TSEN2: variants seen among roughly 807,000 people sequenced by gnomAD.
TSEN2 encodes the protein tRNA-splicing endonuclease subunit Sen2.
In TSEN2, 54 loss-of-function variants were observed where a neutral mutation model predicts 59.2. The observed-to-expected ratio is 0.91, with a 90% CI of 0.73 to 1.14. TSEN2 has a LOEUF of 1.14. Ranked by LOEUF, TSEN2 falls within the 50% of genes most tolerant of loss-of-function variation. TSEN2 has a pLI of 0.00. For synonymous variants in TSEN2, 195 were observed against 198.2 expected, an observed-to-expected ratio of 0.98 and a Z score of 0.14; for missense variants, 636 against 576.2, an observed-to-expected ratio of 1.10 and a Z score of -1.06.
At chr3:12,530,573 C>CT in intron 10 of TSEN2, 1 of 985,542 alleles carries the variant, frequency 1.0e-6, no homozygotes, top group Non-Finnish European at 1.2e-6. Flanking sequence ...TAGATACCCT[C>CT]TAATTTCATC....
chr3:12,517,372 G>A (rs370158005), intron 7 of TSEN2, among the ~76,000 whole-genome samples: 2,070 of 59,958 alleles, frequency 0.035, 8 homozygotes, highest in African/African-American at 0.077. Context: ...AAAAAAAAAA[G>A]AATTTGCAGA....
At chr3:12,521,712 TA>T (rs200075905) in intron 8 of TSEN2, among the ~76,000 whole-genome samples, 1 of 143,916 alleles carries the variant, frequency 6.9e-6, no homozygotes, top group African/African-American at 2.6e-5. Flanking sequence ...AAGAGTCTCT[TA>T]AAAAAAAATA....
intron 9 of TSEN2, among the ~76,000 whole-genome samples, chr3:12,529,224 T>C (rs2125242583): frequency 6.6e-6 from 1 of 152,280 alleles, no homozygotes; most frequent in South Asian, 2.1e-4. Context: ...CCCAGCACTT[T>C]GGGAGGCCAA....
chr3:12,517,831 A>G (rs1027979749), intron 7 of TSEN2, among the ~76,000 whole-genome samples: 3 of 151,982 alleles, frequency 2.0e-5, no homozygotes, highest in Admixed American at 6.6e-5. Context: ...TCTGAACAAC[A>G]CTGGGCTGTG....
At chr3:12,530,565 G>A (rs1342003496) in intron 10 of TSEN2, 63 of 985,402 alleles carry the variant, frequency 6.4e-5, no homozygotes, top group Admixed American at 1.8e-4. Flanking sequence ...ACAAATTGTA[G>A]ATACCCTCTA....
downstream of TSEN2, chr3:12,533,789 C>T (rs763375184): frequency 6.6e-5 from 10 of 151,646 alleles, no homozygotes; most frequent in East Asian, 1.9e-4. Context: ...TGGGTCCAGA[C>T]ACTACTTGAA....
intron 3 of TSEN2, 145 bp downstream of exon 3, chr3:12,492,362 C>G (rs2053299679): frequency 2.9e-6 from 2 of 678,342 alleles, no homozygotes; most frequent in Non-Finnish European, 5.1e-6. Flanking sequence ...TAGAATAATT[C>G]TAATCAAAGC....
At chr3:12,482,263 A>C (rs2052201868), upstream of TSEN2, among the ~76,000 whole-genome samples, 1 of 152,146 alleles carries the variant, frequency 6.6e-6, no homozygotes. Context: ...CTGGGATTAT[A>C]GGCATGCACC....
intron 6 of TSEN2, among the ~76,000 whole-genome samples, chr3:12,512,682 G>A (rs889663788): frequency 6.6e-6 from 1 of 152,206 alleles, no homozygotes; most frequent in African/African-American, 2.4e-5. Flanking sequence ...ATGCCACATG[G>A]CATATTCCAC....
intron 4 of TSEN2, 78 bp from the exon 5 acceptor site, chr3:12,503,184 C>A: frequency 1.3e-6 from 2 of 1,544,498 alleles, no homozygotes; most frequent in Non-Finnish European, 1.8e-6. Flanking sequence ...TGTCACCTTC[C>A]AGTCTGTTTT....
intron 6 of TSEN2, among the ~76,000 whole-genome samples, chr3:12,510,729 C>G (rs1575358228): frequency 6.6e-6 from 1 of 152,106 alleles, no homozygotes; most frequent in Non-Finnish European, 1.5e-5. Flanking sequence ...AAGATTCTTC[C>G]CTAGAATTTT....
intron 8 of TSEN2, among the ~76,000 whole-genome samples, chr3:12,527,673 A>T (rs1437909280): frequency 6.6e-6 from 1 of 152,048 alleles, no homozygotes; most frequent in Non-Finnish European, 1.5e-5. Flanking sequence ...GGGGCTTAAC[A>T]ATAAGAGTTC....
intron 4 of TSEN2, among the ~76,000 whole-genome samples, chr3:12,498,370 A>C (rs1274077487): frequency 6.6e-6 from 1 of 152,204 alleles, no homozygotes; most frequent in Admixed American, 6.5e-5. Context: ...CATGAACTCA[A>C]TCTGCATTCA....
Position 12,503,479 on chromosome 3 carries a change from G to A in TSEN2, c.526G>A (p.Asp176Asn). The A allele has an allele frequency of 1.9e-6, 3 of 1,614,198 alleles. No individual in the cohort carries two copies. The highest frequency in any genetic ancestry group is 2.5e-6 in the Non-Finnish European group (3 of 1,180,032). The change falls in exon 5 of 12, where the codon GAC (aspartate) becomes AAC (asparagine). Residue 176 changes from aspartate (D) to asparagine (N), a missense_variant. Asp to Asn is a conservative substitution (Grantham distance 23, BLOSUM62 1). Coordinates refer to ENST00000284995, the MANE Select transcript of TSEN2 (RefSeq NM_025265.4). ...AGAGAGACCTTCTGTGGTAAACGGG[G>A]ACTCTGGAAAGTCAGGTGGTGTGGG... Reference protein sequence around the residue: ...GGERPSVVNGDSGKSGGVGDP... With the variant: ...GGERPSVVNGNSGKSGGVGDP...
intron 3 of TSEN2, among the ~76,000 whole-genome samples, chr3:12,494,930 A>T (rs1393039997): frequency 3.3e-5 from 5 of 150,854 alleles, no homozygotes; most frequent in African/African-American, 1.2e-4. Flanking sequence ...GTTCAAGACC[A>T]GCCTGGCCAA....
At chr3:12,521,866 C>A (rs895338688) in intron 8 of TSEN2, among the ~76,000 whole-genome samples, 1 of 152,022 alleles carries the variant, frequency 6.6e-6, no homozygotes, top group South Asian at 2.1e-4. Flanking sequence ...AAAAAATTAG[C>A]CAGACGTGGT....
At chr3:12,534,260 G>A (rs530352719), downstream of TSEN2, among the ~76,000 whole-genome samples, 3 of 152,290 alleles carry the variant, frequency 2.0e-5, no homozygotes, top group South Asian at 6.2e-4. Flanking sequence ...TGCAAACAGT[G>A]TCAGAAAGAT....
At position 12,492,039 on chromosome 3, in the gene TSEN2, G is replaced by A. The variant is rs2053267759; in HGVS notation, c.190-97G>A. On this transcript the variant is annotated intron_variant, in intron 2 of 11. Coordinates refer to ENST00000284995, the MANE Select transcript of TSEN2 (RefSeq NM_025265.4). ...GTATCCACCAGAGGTCCTGGAACCA[G>A]CCCCCTGTGGATACTGAGGGATTAC... is the stretch of plus-strand genomic sequence containing the variant. 6.8e-6 allele frequency: 7 copies of A among 1,036,516 alleles called. No individual in the cohort carries two copies. In the Admixed American group the frequency reaches 9.0e-5, roughly 13 times the overall value. 64.2% of individuals were successfully genotyped at this position (1,036,516 alleles called of 1,614,324 possible).
chr3:12,481,860 T>C (rs1476974557), upstream of TSEN2, among the ~76,000 whole-genome samples: 12 of 151,862 alleles, frequency 7.9e-5, no homozygotes, highest in Non-Finnish European at 1.8e-4. Flanking sequence ...AGAACAGAAT[T>C]ACCTCAAATA....
Sources: gnomAD v4.1 joint callset for allele counts (sites outside exome capture counted in the v4.1 genomes callset) on GRCh38, gnomAD v4.1.1 for gene constraint, MANE v1.5 for transcripts, NCBI Gene and HGNC (gene_info 2026-07-23, HGNC 2026-07-21) for gene names.